Variants in C8orf34 observed in about 807,000 individuals in gnomAD.
C8orf34 encodes the protein chromosome 8 open reading frame 34.
C8orf34 carries 65 observed loss-of-function variants against 68.3 expected under a neutral mutation model. That is an observed-to-expected ratio of 0.95 (90% CI 0.78 to 1.17). The LOEUF (loss-of-function observed/expected upper bound fraction) is 1.17. C8orf34 is among the 50% of genes most tolerant of loss of function. The pLI is 0.00. For missense variants in C8orf34, 664 were observed against 655.4 expected (o/e 1.01, Z -0.14); for synonymous variants, 244 against 241.2 (o/e 1.01, Z -0.11).
Position 68,713,565 on chromosome 8 carries a change from T to A in C8orf34, c.1327+4486T>A, listed in dbSNP as rs180971730. ...AATTGGAAAACCTAGAGGAGATGGA[T>A]AAATTCCTGGAAATATACAACCCTC... On this transcript the variant is annotated intron_variant, in intron 9 of 13. Transcript: ENST00000518698. 4.0e-3 allele frequency among the ~76,000 whole-genome samples: 607 copies of A among 152,090 alleles called. 2 individuals carry two copies. The highest frequency in any genetic ancestry group is 6.6e-3 in the Non-Finnish European group (450 of 67,964).
At chr8:68,654,704 A>G (rs1268380830) in intron 8 of C8orf34, among the ~76,000 whole-genome samples, 1 of 152,190 alleles carries the variant, frequency 6.6e-6, no homozygotes, top group Non-Finnish European at 1.5e-5. Flanking sequence ...CCATGGGGAT[A>G]TAAAAAGGAA....
intron 7 of C8orf34, among the ~76,000 whole-genome samples, chr8:68,638,221 C>T (rs990451830): frequency 2.0e-5 from 3 of 151,994 alleles, no homozygotes; most frequent in Non-Finnish European, 4.4e-5. Context: ...CATGATGAGT[C>T]ATTTCATGGA....
At chr8:68,700,136 C>G (rs142107863) in intron 8 of C8orf34, among the ~76,000 whole-genome samples, 2 of 151,866 alleles carry the variant, frequency 1.3e-5, no homozygotes, top group Non-Finnish European at 2.9e-5. Context: ...GAGTGCCTAC[C>G]GACAAATACC....
intron 12 of C8orf34, among the ~76,000 whole-genome samples, chr8:68,804,072 T>C (rs1824412873): frequency 6.6e-6 from 1 of 152,200 alleles, no homozygotes; most frequent in African/African-American, 2.4e-5. Context: ...GCAGTGGTAA[T>C]GAATCTAGTT....
chr8:68,589,636 G>A (rs1371393798), intron 7 of C8orf34, among the ~76,000 whole-genome samples: 1 of 144,760 alleles, frequency 6.9e-6, no homozygotes, highest in Non-Finnish European at 1.5e-5. Context: ...AGAAGGAGGA[G>A]AGAAGAAGAG....
At chr8:68,651,419 C>T (rs531354022) in intron 8 of C8orf34, among the ~76,000 whole-genome samples, 120 of 152,280 alleles carry the variant, frequency 7.9e-4, no homozygotes, top group Non-Finnish European at 1.2e-3. Context: ...CTGTGGCCTT[C>T]ATTCAGGGTA....
At chr8:68,453,139 T>G (rs1215025624) in intron 3 of C8orf34, among the ~76,000 whole-genome samples, 2 of 152,014 alleles carry the variant, frequency 1.3e-5, no homozygotes, top group African/African-American at 4.8e-5. Context: ...TATCCTTTTG[T>G]GAGTACCACA....
At chr8:68,433,697 G>A (rs533356783) in intron 1 of C8orf34, among the ~76,000 whole-genome samples, 8 of 152,264 alleles carry the variant, frequency 5.3e-5, no homozygotes, top group African/African-American at 1.4e-4. Flanking sequence ...TGTACAAATC[G>A]AAGTTTCTGT....
At chr8:68,708,928 G>A (rs908054850) in intron 8 of C8orf34, 66 bp from the exon 9 acceptor site, 8 of 1,135,214 alleles carry the variant, frequency 7.0e-6, no homozygotes, top group Non-Finnish European at 9.1e-6. Flanking sequence ...GTCCCCCATG[G>A]TGCATAGTTC....
chr8:68,731,119 G>A (rs931713570), intron 10 of C8orf34, among the ~76,000 whole-genome samples: 1 of 152,038 alleles, frequency 6.6e-6, no homozygotes, highest in African/African-American at 2.4e-5. Flanking sequence ...AATCCCTTGT[G>A]GAAATGGAAA....
At chr8:68,686,236 T>C (rs867454097) in intron 8 of C8orf34, among the ~76,000 whole-genome samples, 1 of 152,088 alleles carries the variant, frequency 6.6e-6, no homozygotes, top group Non-Finnish European at 1.5e-5. Flanking sequence ...CCAATCGTAC[T>C]GAAACTTCCA....
rs371248352 is a variant in C8orf34, at chr8:68,634,595, T to C, written c.1106-5781T>C. On this transcript the variant is annotated intron_variant, in intron 7 of 13. Coordinates refer to ENST00000518698, the MANE Select transcript of C8orf34 (RefSeq NM_052958.4). ...AATCCTAGACACCTGCTCCCTTAAATAATGTTGTCAAGGAAATGGAACTAG... is the reference window on the plus strand; with the variant it reads ...AATCCTAGACACCTGCTCCCTTAAACAATGTTGTCAAGGAAATGGAACTAG... Among the ~76,000 whole-genome samples the C allele has an allele frequency of 2.0e-4, 31 of 152,330 alleles. No homozygotes were observed. In the East Asian group the frequency reaches 3.9e-3, roughly 19 times the overall value.
chr8:68,541,241 T>C lies in C8orf34; in HGVS notation c.1105+8092T>C, dbSNP rs115737419. Among the ~76,000 whole-genome samples the C allele has an allele frequency of 5.6e-3, 858 of 152,094 alleles. 8 individuals are homozygous for C. The highest frequency in any genetic ancestry group is 0.02 in the African/African-American group (825 of 41,494). On this transcript the variant is annotated intron_variant, in intron 7 of 13. Coordinates refer to ENST00000518698, the MANE Select transcript of C8orf34 (RefSeq NM_052958.4). ...ACTTTAGGAGGCATAGGTGGGATGATTGCTTGAGTTCAGGAGTTCAAGACC... is the reference window on the plus strand; with the variant it reads ...ACTTTAGGAGGCATAGGTGGGATGACTGCTTGAGTTCAGGAGTTCAAGACC...
At chr8:68,400,505 G>A (rs1436543975) in intron 1 of C8orf34, among the ~76,000 whole-genome samples, 1 of 152,022 alleles carries the variant, frequency 6.6e-6, no homozygotes, top group African/African-American at 2.4e-5. Flanking sequence ...GGTTGTATGT[G>A]GCTTCATTTC....
At chr8:68,736,268 C>T (rs1035949696) in intron 10 of C8orf34, among the ~76,000 whole-genome samples, 5 of 152,006 alleles carry the variant, frequency 3.3e-5, no homozygotes, top group Non-Finnish European at 5.9e-5. Context: ...GGCTGGTTTT[C>T]AAAAATCAAT....
chr8:68,767,155 C>T (rs1425513373), intron 10 of C8orf34, among the ~76,000 whole-genome samples: 1 of 152,112 alleles, frequency 6.6e-6, no homozygotes, highest in Admixed American at 6.5e-5. Context: ...GATCTCACGC[C>T]ACTGCACTCC....
At chr8:68,445,538 T>G (rs1037631265) in intron 2 of C8orf34, among the ~76,000 whole-genome samples, 5 of 152,170 alleles carry the variant, frequency 3.3e-5, no homozygotes, top group Non-Finnish European at 7.4e-5. Flanking sequence ...GGCAAGACAG[T>G]GACCACCTTC....
At chr8:68,539,614 G>T (rs1485547583) in intron 7 of C8orf34, among the ~76,000 whole-genome samples, 4 of 152,152 alleles carry the variant, frequency 2.6e-5, no homozygotes, top group South Asian at 2.1e-4. Flanking sequence ...CACTTTGGGA[G>T]GCCGAGGCAG....
intron 8 of C8orf34, among the ~76,000 whole-genome samples, chr8:68,700,402 G>C (rs1820978130): frequency 6.6e-6 from 1 of 152,076 alleles, no homozygotes; most frequent in Non-Finnish European, 1.5e-5. Context: ...GAGTTAAATG[G>C]GTTCGGCAAA....
Sources: gnomAD v4.1 joint callset for allele counts (sites outside exome capture counted in the v4.1 genomes callset) on GRCh38, gnomAD v4.1.1 for gene constraint, MANE v1.5 for transcripts, NCBI Gene and HGNC (gene_info 2026-07-23, HGNC 2026-07-21) for gene names.